Variants in ST6GALNAC3 observed in about 807,000 individuals in gnomAD.
ST6GALNAC3 encodes the protein alpha-N-acetylgalactosaminide alpha-2,6-sialyltransferase 3.
ST6GALNAC3 carries 25 observed loss-of-function variants against 32.7 expected under a neutral mutation model. That is an observed-to-expected ratio of 0.76 (90% CI 0.56 to 1.07). The LOEUF is 1.07. Among genes scored for constraint, ST6GALNAC3 ranks in the 50% least tolerant of loss-of-function variants. The probability of loss-of-function intolerance (pLI) is 0.00; values close to 1 mark genes in which losing one functional copy is unlikely to be tolerated. For synonymous variants in ST6GALNAC3, 129 were observed against 133.1 expected (o/e 0.97, Z 0.21); for missense variants, 355 against 382.4 (o/e 0.93, Z 0.60).
chr1:76,589,048 G>A (rs1647006374), intron 3 of ST6GALNAC3, among the ~76,000 whole-genome samples: 1 of 119,284 alleles, frequency 8.4e-6, no homozygotes, highest in African/African-American at 3.2e-5. Flanking sequence ...ATACACTGGT[G>A]ATTTGAATCT....
chr1:76,484,219 C>G (rs1206997336), intron 3 of ST6GALNAC3, among the ~76,000 whole-genome samples: 1 of 152,026 alleles, frequency 6.6e-6, no homozygotes, highest in Non-Finnish European at 1.5e-5. Flanking sequence ...TTTTTTGGTT[C>G]CATATGAACT....
At chr1:76,447,890 G>A (rs187609916) in intron 3 of ST6GALNAC3, among the ~76,000 whole-genome samples, 1 of 152,182 alleles carries the variant, frequency 6.6e-6, no homozygotes, top group Non-Finnish European at 1.5e-5. Flanking sequence ...ACCTGTGCTA[G>A]TGTAGTGTGA....
rs550429564 is a variant in ST6GALNAC3, at chr1:76,149,944, C to T, written c.18+75060C>T. On this transcript the variant is annotated intron_variant, in intron 1 of 4. Transcript: ENST00000328299. Reference sequence around the variant, plus strand: ...TGAGAAGATTCTTAAATAGAGGGAACCTCCCTAGAGCCAGAGCTCACCTGG... The same window carrying T: ...TGAGAAGATTCTTAAATAGAGGGAATCTCCCTAGAGCCAGAGCTCACCTGG... 2.0e-5 allele frequency among the ~76,000 whole-genome samples: 3 copies of T among 152,272 alleles called. No individual in the cohort carries two copies. In the South Asian group the frequency reaches 6.2e-4, roughly 32 times the overall value.
chr1:76,377,598 C>A (rs150468234), intron 2 of ST6GALNAC3, among the ~76,000 whole-genome samples: 46 of 152,268 alleles, frequency 3.0e-4, no homozygotes, highest in African/African-American at 1.1e-3. Flanking sequence ...CCCCTCCAAC[C>A]CTGGGAATTA....
intron 1 of ST6GALNAC3, among the ~76,000 whole-genome samples, chr1:76,089,561 TG>T (rs1382928871): frequency 6.6e-6 from 1 of 152,220 alleles, no homozygotes; most frequent in Non-Finnish European, 1.5e-5. Flanking sequence ...GTCAAGCCAA[TG>T]ACAACATAAC....
chr1:76,324,427 G>A (rs975418492), intron 2 of ST6GALNAC3, among the ~76,000 whole-genome samples: 3 of 152,244 alleles, frequency 2.0e-5, no homozygotes, highest in Admixed American at 2.0e-4. Context: ...AGTGACAAAT[G>A]GTGTTGGTAG....
At chr1:76,202,601 A>G (rs1403631665) in intron 1 of ST6GALNAC3, among the ~76,000 whole-genome samples, 4 of 152,170 alleles carry the variant, frequency 2.6e-5, no homozygotes, top group Non-Finnish European at 2.9e-5. Flanking sequence ...GATGATACTT[A>G]GACAACATAA....
intron 3 of ST6GALNAC3, among the ~76,000 whole-genome samples, chr1:76,459,933 A>G (rs1658164233): frequency 6.6e-6 from 1 of 152,186 alleles, no homozygotes; most frequent in African/African-American, 2.4e-5. Context: ...TACTGTGAGT[A>G]GCGTTGTTAT....
chr1:76,552,463 T>C (rs978715936), intron 3 of ST6GALNAC3, among the ~76,000 whole-genome samples: 2 of 152,184 alleles, frequency 1.3e-5, no homozygotes, highest in Non-Finnish European at 2.9e-5. Context: ...TTCACTCTTT[T>C]GGCTCCTCTT....
At chr1:76,320,683 G>T (rs1646948861) in intron 2 of ST6GALNAC3, among the ~76,000 whole-genome samples, 1 of 152,040 alleles carries the variant, frequency 6.6e-6, no homozygotes, top group African/African-American at 2.4e-5. Context: ...TATGATCTGG[G>T]AATGTGAGTG....
intron 1 of ST6GALNAC3, among the ~76,000 whole-genome samples, chr1:76,103,316 T>C (rs1232129947): frequency 1.3e-5 from 2 of 152,100 alleles, no homozygotes; most frequent in East Asian, 3.9e-4. Flanking sequence ...TCTTTTCCAT[T>C]TCCATGGGCT....
intron 3 of ST6GALNAC3, among the ~76,000 whole-genome samples, chr1:76,466,632 G>A (rs1658650047): frequency 6.6e-6 from 1 of 152,080 alleles, no homozygotes; most frequent in African/African-American, 2.4e-5. Context: ...AGAATTTTGT[G>A]TAAGGAGTAA....
chr1:76,497,505 T>C (rs1660926988), intron 3 of ST6GALNAC3, among the ~76,000 whole-genome samples: 1 of 152,230 alleles, frequency 6.6e-6, no homozygotes, highest in African/African-American at 2.4e-5. Flanking sequence ...TCTGTGACTA[T>C]TCACTTTCAC....
chr1:76,259,246 G>A (rs1278008672), intron 1 of ST6GALNAC3, among the ~76,000 whole-genome samples: 1 of 152,072 alleles, frequency 6.6e-6, no homozygotes. Context: ...TGCAGAAATG[G>A]AAATTTCTAA....
At chr1:76,236,195 G>A (rs1176509171) in intron 1 of ST6GALNAC3, among the ~76,000 whole-genome samples, 2 of 152,006 alleles carry the variant, frequency 1.3e-5, no homozygotes, top group Non-Finnish European at 2.9e-5. Flanking sequence ...TGATCCGCCC[G>A]CCTCGGCCTC....
chr1:76,475,172 CA>C (rs997490036), intron 3 of ST6GALNAC3, among the ~76,000 whole-genome samples: 2 of 151,930 alleles, frequency 1.3e-5, no homozygotes, highest in Non-Finnish European at 2.9e-5. Flanking sequence ...GCAAGAAGAG[CA>C]AAAAATAAAA....
At chr1:76,170,595 G>GGTTCTGACAATAAGCCA (rs1159930965) in intron 1 of ST6GALNAC3, among the ~76,000 whole-genome samples, 3 of 152,184 alleles carry the variant, frequency 2.0e-5, no homozygotes, top group Non-Finnish European at 4.4e-5. Context: ...AGAGATCTGT[G>GGTTCTGACAATAAGCCA]GTTCTGACAA....
chr1:76,137,346 G>A (rs899097554), intron 1 of ST6GALNAC3, among the ~76,000 whole-genome samples: 3 of 152,226 alleles, frequency 2.0e-5, no homozygotes, highest in Non-Finnish European at 4.4e-5. Flanking sequence ...TAAGATTGAA[G>A]TGGCCAGTTG....
intron 1 of ST6GALNAC3, among the ~76,000 whole-genome samples, chr1:76,212,102 C>T (rs373903236): frequency 6.6e-6 from 1 of 152,086 alleles, no homozygotes; most frequent in Non-Finnish European, 1.5e-5. Context: ...ACAAAAACAA[C>T]GTTTAATTTA....
Sources: gnomAD v4.1 joint callset for allele counts (sites outside exome capture counted in the v4.1 genomes callset) on GRCh38, gnomAD v4.1.1 for gene constraint, MANE v1.5 for transcripts, NCBI Gene and HGNC (gene_info 2026-07-23, HGNC 2026-07-21) for gene names.